The following FAAH2 variants were observed in gnomAD, a reference collection of about 807,000 sequenced individuals.
The protein encoded by FAAH2 is fatty-acid amide hydrolase 2.
A neutral mutation model predicts 36.9 loss-of-function variants in FAAH2; 60 were observed. That is an observed-to-expected ratio of 1.63 (90% CI 1.32 to 2.02). The LOEUF (loss-of-function observed/expected upper bound fraction) is 2.02. Among genes scored for constraint, FAAH2 ranks in the 30% most tolerant of loss-of-function variants. The pLI is 0.00. For synonymous variants in FAAH2, 214 were observed against 143.8 expected (o/e 1.49, Z -3.49); for missense variants, 689 against 397.5 (o/e 1.73, Z -6.23).
chrX:57,433,759 T>C (rs1162896012), intron 8 of FAAH2, among the ~76,000 whole-genome samples: 3 of 112,530 alleles, frequency 2.7e-5, no homozygotes, highest in Admixed American at 9.4e-5. Context: ...TCTTGCAGTT[T>C]CTTGTGCATT....
chrX:57,234,673 T>C, the FAAH2 span, among the ~76,000 whole-genome samples: 1 of 111,130 alleles, frequency 9.0e-6, no homozygotes, highest in Admixed American at 9.6e-5. Flanking sequence ...TTCAATCTCC[T>C]GTAAGAATCT....
the FAAH2 span, among the ~76,000 whole-genome samples, chrX:57,187,464 G>A: frequency 4.5e-5 from 5 of 110,656 alleles, no homozygotes; most frequent in Non-Finnish European, 9.5e-5. Flanking sequence ...GGAGTTTTTG[G>A]GTTGAGAAGA....
the FAAH2 span, among the ~76,000 whole-genome samples, chrX:57,252,850 C>T: frequency 8.9e-6 from 1 of 112,311 alleles, no homozygotes; most frequent in Non-Finnish European, 1.9e-5. Context: ...ACCAGAATGC[C>T]TCCTCTCCTC....
chrX:57,463,795 A>T (rs2057002072), intron 10 of FAAH2, among the ~76,000 whole-genome samples: 1 of 111,776 alleles, frequency 8.9e-6, no homozygotes, highest in Admixed American at 9.5e-5. Context: ...ATGCTTTTAC[A>T]CTGATGGTGG....
the FAAH2 span, among the ~76,000 whole-genome samples, chrX:57,194,677 G>A: frequency 1.8e-5 from 2 of 110,002 alleles, no homozygotes. Flanking sequence ...AGATTTTGGT[G>A]GACCCATCAC....
intron 3 of FAAH2, among the ~76,000 whole-genome samples, chrX:57,328,761 C>G (rs955092436): frequency 9.0e-6 from 1 of 111,276 alleles, no homozygotes; most frequent in African/African-American, 3.3e-5. Flanking sequence ...TAACCTTGGG[C>G]GATTTGATTA....
the FAAH2 span, among the ~76,000 whole-genome samples, chrX:57,129,540 A>G: frequency 2.7e-5 from 3 of 112,516 alleles, no homozygotes; most frequent in African/African-American, 9.6e-5. Flanking sequence ...AATCACATTT[A>G]AAAAATTATT....
At chrX:57,335,505 G>A (rs1448862551) in intron 4 of FAAH2, among the ~76,000 whole-genome samples, 1 of 112,977 alleles carries the variant, frequency 8.9e-6, no homozygotes, top group African/African-American at 3.2e-5. Flanking sequence ...GCCTTAAAGA[G>A]CAGTATTGCT....
chrX:57,463,447 G>A (rs1048343133), intron 10 of FAAH2, among the ~76,000 whole-genome samples: 1 of 110,992 alleles, frequency 9.0e-6, no homozygotes, highest in East Asian at 2.8e-4. Flanking sequence ...CATAGTATTG[G>A]CACCAAAACA....
chrX:57,410,631 T>G (rs2055674473), intron 7 of FAAH2, among the ~76,000 whole-genome samples: 1 of 111,635 alleles, frequency 9.0e-6, no homozygotes. Flanking sequence ...CTTTGTCTCT[T>G]GTGGGCCTTA....
chrX:57,316,242 G>A (rs1406441225), intron 3 of FAAH2, among the ~76,000 whole-genome samples: 1 of 111,558 alleles, frequency 9.0e-6, no homozygotes, highest in Non-Finnish European at 1.9e-5. Context: ...ATAAATAAAT[G>A]TAAAAACATT....
At chrX:57,168,216 A>G in the FAAH2 span, among the ~76,000 whole-genome samples, 1 of 110,900 alleles carries the variant, frequency 9.0e-6, no homozygotes, top group Non-Finnish European at 1.9e-5. Context: ...CTCATCTTGT[A>G]TATTCTATGC....
chrX:57,147,669 C>T, the FAAH2 span, among the ~76,000 whole-genome samples: 1 of 111,687 alleles, frequency 9.0e-6, no homozygotes, highest in African/African-American at 3.2e-5. Flanking sequence ...TCTATTTGTG[C>T]TCTTTCACAC....
intron 7 of FAAH2, among the ~76,000 whole-genome samples, chrX:57,399,842 T>C (rs752354572): frequency 8.9e-6 from 1 of 112,079 alleles, no homozygotes; most frequent in Non-Finnish European, 1.9e-5. Flanking sequence ...TTCTAGCGCC[T>C]GAGTGAGGGC....
At chrX:57,180,824 CAAT>C in the FAAH2 span, among the ~76,000 whole-genome samples, 1 of 111,335 alleles carries the variant, frequency 9.0e-6, no homozygotes, top group Non-Finnish European at 1.9e-5. Context: ...AGCAGAAATA[CAAT>C]AACAACAAAA....
At chrX:57,463,946 A>T (rs962240588) in intron 10 of FAAH2, among the ~76,000 whole-genome samples, 14 of 112,142 alleles carry the variant, frequency 1.2e-4, no homozygotes, top group African/African-American at 4.5e-4. Flanking sequence ...ATAAAGACAG[A>T]TCCACACATA....
the FAAH2 span, among the ~76,000 whole-genome samples, chrX:57,154,185 G>A: frequency 9.2e-6 from 1 of 108,869 alleles, no homozygotes; most frequent in African/African-American, 3.3e-5. Context: ...TTCCCTAAGT[G>A]TGTCCTTTAT....
Position 57,399,988 on chromosome X carries a change from G to A in FAAH2, c.996+18959G>A, listed in dbSNP as rs1238829340. Among the ~76,000 whole-genome samples the A allele has an allele frequency of 5.4e-5, 6 of 111,771 alleles. No homozygotes were observed. In the East Asian group the frequency reaches 1.7e-3, roughly 32 times the overall value. On this transcript the variant is annotated intron_variant, in intron 7 of 10. Transcript: ENST00000374900. ...AGAAACTTCCATCAGTATACAATTT[G>A]AGGTCGGAATCAGTCAAGGGAACCT... is the stretch of plus-strand genomic sequence containing the variant.
chrX:57,217,908 T>C, the FAAH2 span, among the ~76,000 whole-genome samples: 1 of 111,986 alleles, frequency 8.9e-6, no homozygotes, highest in Non-Finnish European at 1.9e-5. Flanking sequence ...TCTACCCATT[T>C]ATGAGCATGG....
Sources: gnomAD v4.1 joint callset for allele counts (sites outside exome capture counted in the v4.1 genomes callset) on GRCh38, gnomAD v4.1.1 for gene constraint, MANE v1.5 for transcripts, NCBI Gene and HGNC (gene_info 2026-07-23, HGNC 2026-07-21) for gene names.